The following ZNF280B variants were observed in gnomAD, a reference collection of about 807,000 sequenced individuals.
ZNF280B encodes the protein suppressor of hairy wing homolog 2.
Under a neutral mutation model 38.0 loss-of-function variants are expected in ZNF280B, and 16 were observed. The observed-to-expected ratio is 0.42, with a 90% CI of 0.28 to 0.64. The LOEUF is 0.64. Among genes scored for constraint, ZNF280B ranks in the 30% least tolerant of loss-of-function variants. ZNF280B has a pLI of 0.21. For synonymous variants in ZNF280B, 253 were observed against 230.6 expected (o/e 1.10, Z -0.88); for missense variants, 581 against 639.6 (o/e 0.91, Z 0.99).
intron 2 of ZNF280B, among the ~76,000 whole-genome samples, chr22:22,507,536 CTT>C (rs2061963493): frequency 6.6e-6 from 1 of 150,468 alleles, no homozygotes; most frequent in African/African-American, 2.4e-5. Flanking sequence ...CTTTATATAA[CTT>C]AACATCCCTG....
At chr22:22,494,763 G>C (rs929855378) in intron 2 of ZNF280B, among the ~76,000 whole-genome samples, 4 of 151,918 alleles carry the variant, frequency 2.6e-5, no homozygotes, top group East Asian at 4.0e-4. Context: ...TTGAGATGGA[G>C]TCTTGCTCTG....
upstream of ZNF280B, chr22:22,509,067 A>G: frequency 6.5e-6 from 1 of 154,600 alleles, no homozygotes. Context: ...AGGGTTCCAG[A>G]GCTGAGGGGC....
intron 2 of ZNF280B, among the ~76,000 whole-genome samples, chr22:22,505,059 T>C (rs1555943440): frequency 6.6e-6 from 1 of 151,898 alleles, no homozygotes; most frequent in Non-Finnish European, 1.5e-5. Flanking sequence ...AGGTTGATAC[T>C]CACATAACAT....
chr22:22,498,664 A>T (rs1298971063), intron 2 of ZNF280B, among the ~76,000 whole-genome samples: 1 of 151,842 alleles, frequency 6.6e-6, no homozygotes, highest in Non-Finnish European at 1.5e-5. Context: ...CCAATCCTTC[A>T]TTAACTCTTC....
chr22:22,487,958 G>A lies in ZNF280B; in HGVS notation c.1441C>T (p.Gln481Ter). The A allele has an allele frequency of 6.2e-7, 1 of 1,613,752 alleles. No homozygotes were observed. Among genetic ancestry groups the A allele is most frequent in the Non-Finnish European group, 8.5e-7 (1 of 1,179,950 alleles). The change falls in exon 4 of 4, where the codon CAG becomes TAG. Residue 481 changes from glutamine to a stop codon, truncating the protein, a stop_gained. Transcript: ENST00000626650. LOFTEE classifies it high-confidence loss of function. Reference protein sequence around the residue: ...TFKEKMEHKTQCHQMFKKPKQ... With the variant: ...TFKEKMEHKT Reference sequence around the variant, plus strand: ...GGCTTCTTAAACATTTGATGACACTGGGTCTTGTGCTCCATTTTCTCCTTG... The same window carrying A: ...GGCTTCTTAAACATTTGATGACACTAGGTCTTGTGCTCCATTTTCTCCTTG...
At position 22,508,709 on chromosome 22, in the gene ZNF280B, G is replaced by C. The variant is rs1433244124; in HGVS notation, c.-298C>G. On this transcript the variant is annotated 5_prime_UTR_variant, in exon 1 of 4. Transcript: ENST00000626650. Reference sequence around the variant, plus strand: ...AGCTGCCGGCCACGCACCAGCCCCGGAGGCGCTCCCGGGGCACAGCCGGCG... The same window carrying C: ...AGCTGCCGGCCACGCACCAGCCCCGCAGGCGCTCCCGGGGCACAGCCGGCG... 1 of 151,942 alleles carries C rather than the reference G, an allele frequency of 6.6e-6. No homozygotes were observed. Among genetic ancestry groups the C allele is most frequent in the Non-Finnish European group, 1.5e-5 (1 of 68,052 alleles). The allele number at this position is 151,942 out of a possible 1,614,324, so 9.4% of individuals were successfully genotyped here.
At chr22:22,495,787 G>C (rs1314660637) in intron 2 of ZNF280B, among the ~76,000 whole-genome samples, 1 of 151,346 alleles carries the variant, frequency 6.6e-6, no homozygotes, top group Admixed American at 6.6e-5. Context: ...AGACTCTCAG[G>C]CTAGATTTTT....
At chr22:22,502,881 GA>G (rs1387414868) in intron 2 of ZNF280B, among the ~76,000 whole-genome samples, 1 of 151,978 alleles carries the variant, frequency 6.6e-6, no homozygotes, top group Admixed American at 6.6e-5. Context: ...TTGCAGATGG[GA>G]AAATTATCCT....
Position 22,487,569 on chromosome 22 carries a change from A to T in ZNF280B, c.*198T>A. ...TGTTAAGCCAGATACAGTTAACATG[A>T]AAACCAGATGTTTTAAAATAATACC... On this transcript the variant is annotated 3_prime_UTR_variant, in exon 4 of 4. Transcript: ENST00000626650. 1 of 492,684 alleles carries T rather than the reference A, an allele frequency of 2.0e-6. No homozygotes were observed. The highest frequency in any genetic ancestry group is 3.5e-6 in the Non-Finnish European group (1 of 286,560). 30.5% of individuals were successfully genotyped at this position (492,684 alleles called of 1,614,324 possible). A position where few individuals can be genotyped will look rare whatever the true frequency, so the allele number is the denominator to read the frequency against.
Position 22,489,344 on chromosome 22 carries a change from C to G in ZNF280B, c.55G>C (p.Glu19Gln). Residue 19 changes from glutamate (E) to glutamine (Q), a missense_variant, in exon 4 of 4, where the codon GAA (glutamate) becomes CAA (glutamine). Physicochemically the swap from Glu to Gln is conservative, Grantham distance 29 (BLOSUM62 2). Coordinates refer to ENST00000626650, the MANE Select transcript of ZNF280B (RefSeq NM_080764.4). ...TCTTCGTCATCTACTTGTTTGGTTT[C>G]TTGTATGTTCTTCTGTGGTTCAGGC... ...KEPEPQKNIQETKQVDDEDAE... is the reference protein window; with the variant it reads ...KEPEPQKNIQQTKQVDDEDAE... 1 of 1,613,246 alleles carries G rather than the reference C, an allele frequency of 6.2e-7. No homozygotes were observed. The highest frequency in any genetic ancestry group is 8.5e-7 in the Non-Finnish European group (1 of 1,179,828).
chr22:22,506,157 G>C (rs998140324), intron 2 of ZNF280B, among the ~76,000 whole-genome samples: 1 of 151,808 alleles, frequency 6.6e-6, no homozygotes, highest in Admixed American at 6.6e-5. Context: ...GGAAAGTTCC[G>C]AGGTAGGTAC....
chr22:22,503,649 A>C (rs1601734913), intron 2 of ZNF280B, among the ~76,000 whole-genome samples: 1 of 152,118 alleles, frequency 6.6e-6, no homozygotes, highest in African/African-American at 2.4e-5. Flanking sequence ...TCCGATACCA[A>C]GGACTTGGAA....
At chr22:22,495,676 T>G (rs924042653) in intron 2 of ZNF280B, among the ~76,000 whole-genome samples, 4 of 151,972 alleles carry the variant, frequency 2.6e-5, no homozygotes, top group African/African-American at 9.7e-5. Context: ...GAAATAGTAG[T>G]AAGGATCTGT....
chr22:22,489,656 C>A (rs2061554088), intron 3 of ZNF280B, among the ~76,000 whole-genome samples, 190 bp from the exon 4 acceptor site: 1 of 150,230 alleles, frequency 6.7e-6, no homozygotes, highest in Non-Finnish European at 1.5e-5. Flanking sequence ...CTTTGCTGTA[C>A]TGATTGTGCT....
chr22:22,504,568 G>A (rs2061896137), intron 2 of ZNF280B, among the ~76,000 whole-genome samples: 1 of 151,912 alleles, frequency 6.6e-6, no homozygotes, highest in Non-Finnish European at 1.5e-5. Context: ...CTGGTGGGAG[G>A]GATGTTAAGA....
In ZNF280B at chr22:22,489,029, G is replaced by C. The variant is rs1252034122; in HGVS notation, c.370C>G (p.Pro124Ala). 1 of 1,613,720 alleles carries C rather than the reference G, an allele frequency of 6.2e-7. No individual in the cohort carries two copies. Among genetic ancestry groups the C allele is most frequent in the Non-Finnish European group, 8.5e-7 (1 of 1,179,968 alleles). The change falls in exon 4 of 4, where the codon CCT becomes GCT. Residue 124 changes from proline to alanine, a missense_variant. Coordinates refer to ENST00000626650, the MANE Select transcript of ZNF280B (RefSeq NM_080764.4). ...SPIIIEPLSKPDYRNSSPQVV... is the reference protein window; with the variant it reads ...SPIIIEPLSKADYRNSSPQVV... ...TGTGGTGAACTATTTCTATAATCAG[G>C]TTTAGACAAAGGCTCAATAATAATA...
chr22:22,501,104 G>A (rs919429127), intron 2 of ZNF280B, among the ~76,000 whole-genome samples: 6 of 151,560 alleles, frequency 4.0e-5, no homozygotes, highest in Non-Finnish European at 8.8e-5. Flanking sequence ...TAGGGGCAGA[G>A]GAAAAGGGTG....
intron 2 of ZNF280B, among the ~76,000 whole-genome samples, chr22:22,500,566 A>G (rs2061796038): frequency 6.6e-6 from 1 of 151,934 alleles, no homozygotes; most frequent in African/African-American, 2.4e-5. Context: ...ATAGAAACAG[A>G]AAGTAGAGGC....
chr22:22,493,673 C>A (rs2061640748), intron 3 of ZNF280B, among the ~76,000 whole-genome samples: 1 of 151,936 alleles, frequency 6.6e-6, no homozygotes, highest in Admixed American at 6.6e-5. Flanking sequence ...CAGGCCGCAA[C>A]TTCTAGGTTT....
Sources: allele counts gnomAD v4.1 joint callset (sites outside exome capture counted in the v4.1 genomes callset), GRCh38; gene constraint gnomAD v4.1.1; transcripts MANE v1.5; gene names NCBI Gene and HGNC (gene_info 2026-07-23, HGNC 2026-07-21).